CNTNAP2: variants seen among roughly 807,000 people sequenced by gnomAD.
CNTNAP2 encodes contactin-associated protein-like 2.
In CNTNAP2, 98 loss-of-function variants were observed where a neutral mutation model predicts 155.2. The ratio of observed to expected loss-of-function variants is 0.63; its 90% CI spans 0.54 to 0.75. The LOEUF (loss-of-function observed/expected upper bound fraction) is 0.75, where lower values mean the gene tolerates loss of function less well. Ranked by LOEUF, CNTNAP2 falls within the 30% of genes least tolerant of loss-of-function variation. The pLI, the probability that CNTNAP2 is intolerant of heterozygous loss-of-function variation, is 0.00. For synonymous variants in CNTNAP2, 651 were observed against 631.2 expected (o/e 1.03, Z -0.47); for missense variants, 1,727 against 1,688.1 (o/e 1.02, Z -0.40).
intron 10 of CNTNAP2, among the ~76,000 whole-genome samples, chr7:147,476,332 G>C (rs1214861945): frequency 4.0e-5 from 6 of 151,740 alleles, no homozygotes; most frequent in Non-Finnish European, 7.4e-5. Flanking sequence ...GTCTCAATCT[G>C]CTGACCTCAT....
chr7:148,034,016 C>G (rs1435617632), intron 15 of CNTNAP2, among the ~76,000 whole-genome samples: 1 of 151,980 alleles, frequency 6.6e-6, no homozygotes, highest in South Asian at 2.1e-4. Flanking sequence ...AAGAAAAACT[C>G]TAGAATAAAC....
At chr7:146,276,251 A>G (rs556206196) in intron 1 of CNTNAP2, among the ~76,000 whole-genome samples, 4 of 152,364 alleles carry the variant, frequency 2.6e-5, no homozygotes, top group African/African-American at 9.6e-5. Flanking sequence ...CTAAACATAA[A>G]GTCAATTCTA....
chr7:146,237,203 A>G (rs982197082), intron 1 of CNTNAP2, among the ~76,000 whole-genome samples: 1 of 152,038 alleles, frequency 6.6e-6, no homozygotes, highest in African/African-American at 2.4e-5. Context: ...TGTGACTTTA[A>G]CCCTGGGAAC....
chr7:146,307,836 G>A (rs1039621800), intron 1 of CNTNAP2, among the ~76,000 whole-genome samples: 4 of 151,890 alleles, frequency 2.6e-5, no homozygotes, highest in African/African-American at 9.7e-5. Flanking sequence ...AATTCAAGAT[G>A]GATTAAAGAC....
intron 20 of CNTNAP2, among the ~76,000 whole-genome samples, chr7:148,243,369 A>T (rs1448028083): frequency 1.3e-5 from 2 of 152,210 alleles, no homozygotes; most frequent in African/African-American, 4.8e-5. Flanking sequence ...AGCAGAGGGG[A>T]CAGAGGCTGT....
At chr7:147,770,100 C>T (rs771219671) in intron 13 of CNTNAP2, among the ~76,000 whole-genome samples, 1 of 152,162 alleles carries the variant, frequency 6.6e-6, no homozygotes, top group Non-Finnish European at 1.5e-5. Flanking sequence ...GTCAAATTCT[C>T]ATTGAGGTCA....
intron 21 of CNTNAP2, among the ~76,000 whole-genome samples, chr7:148,303,447 G>A (rs1281162858): frequency 6.6e-6 from 1 of 152,150 alleles, no homozygotes; most frequent in East Asian, 1.9e-4. Context: ...TTAGGAGCTT[G>A]GGCCCTGGCC....
At chr7:146,130,191 G>A (rs1379755552) in intron 1 of CNTNAP2, among the ~76,000 whole-genome samples, 1 of 152,234 alleles carries the variant, frequency 6.6e-6, no homozygotes, top group Non-Finnish European at 1.5e-5. Flanking sequence ...GCCGGGCGTG[G>A]TGGCTCATGC....
chr7:147,635,801 C>T (rs2116917727), intron 12 of CNTNAP2, among the ~76,000 whole-genome samples: 1 of 152,076 alleles, frequency 6.6e-6, no homozygotes, highest in East Asian at 1.9e-4. Flanking sequence ...CGTTTATGAC[C>T]CTTTAAAGAA....
At chr7:147,732,568 G>A (rs1378907159) in intron 13 of CNTNAP2, among the ~76,000 whole-genome samples, 1 of 152,052 alleles carries the variant, frequency 6.6e-6, no homozygotes, top group Non-Finnish European at 1.5e-5. Context: ...GGGATGGCTG[G>A]GTCAAATGGT....
At chr7:146,311,712 A>G (rs1246486293) in intron 1 of CNTNAP2, 1 of 151,560 alleles carries the variant, frequency 6.6e-6, no homozygotes, top group African/African-American at 2.4e-5. Context: ...TAAAGAAAGA[A>G]AAAGATTGGC....
intron 1 of CNTNAP2, among the ~76,000 whole-genome samples, chr7:146,180,250 C>A (rs1044883965): frequency 1.3e-5 from 2 of 152,086 alleles, no homozygotes; most frequent in African/African-American, 4.8e-5. Flanking sequence ...CTAGTGAGTT[C>A]TTTTGCATAT....
intron 1 of CNTNAP2, among the ~76,000 whole-genome samples, chr7:146,416,288 CTA>C (rs991806544): frequency 6.7e-6 from 1 of 149,880 alleles, no homozygotes; most frequent in Non-Finnish European, 1.5e-5. Flanking sequence ...ATATATATAC[CTA>C]TATATATAAT....
intron 14 of CNTNAP2, among the ~76,000 whole-genome samples, chr7:147,976,544 C>A (rs1801428558): frequency 6.6e-6 from 1 of 152,122 alleles, no homozygotes. Context: ...TTTTTAAAAA[C>A]CCTTCATTTT....
intron 1 of CNTNAP2, among the ~76,000 whole-genome samples, chr7:146,437,965 A>G (rs9655693): frequency 0.035 from 5,315 of 151,322 alleles, 469 homozygotes; most frequent in African/African-American, 0.12. Flanking sequence ...ACCACAAAAT[A>G]ACAGTACCTG....
intron 1 of CNTNAP2, among the ~76,000 whole-genome samples, chr7:146,218,433 T>C (rs1483999830): frequency 1.3e-5 from 2 of 152,006 alleles, no homozygotes; most frequent in East Asian, 2.0e-4. Context: ...GGCGTGAACC[T>C]GAGAGGCGGA....
chr7:148,265,964 T>C (rs1417362545), intron 20 of CNTNAP2, among the ~76,000 whole-genome samples: 1 of 152,208 alleles, frequency 6.6e-6, no homozygotes, highest in Non-Finnish European at 1.5e-5. Context: ...GCTTCCAGCA[T>C]CTTTGCTCAT....
intron 9 of CNTNAP2, among the ~76,000 whole-genome samples, chr7:147,383,011 C>T (rs1346663428): frequency 6.6e-6 from 1 of 151,704 alleles, no homozygotes; most frequent in Non-Finnish European, 1.5e-5. Flanking sequence ...TTATAGCATT[C>T]CTGAGGACAA....
At chr7:146,817,421 G>A (rs545817721) in intron 2 of CNTNAP2, among the ~76,000 whole-genome samples, 62 of 151,548 alleles carry the variant, frequency 4.1e-4, no homozygotes, top group Non-Finnish European at 7.2e-4. Context: ...GCAGTGAGCC[G>A]AGATCGTGCC....
Sources: allele counts gnomAD v4.1 joint callset (sites outside exome capture counted in the v4.1 genomes callset), GRCh38; gene constraint gnomAD v4.1.1; transcripts MANE v1.5; gene names NCBI Gene and HGNC (gene_info 2026-07-23, HGNC 2026-07-21).